The following PDE4D variants were observed in gnomAD, a reference collection of about 807,000 sequenced individuals.
PDE4D encodes the protein 3',5'-cyclic-AMP phosphodiesterase 4D.
A neutral mutation model predicts 87.4 loss-of-function variants in PDE4D; 24 were observed. That is an observed-to-expected ratio of 0.27 (90% CI 0.20 to 0.39). The LOEUF (loss-of-function observed/expected upper bound fraction) is 0.39, where lower values mean the gene tolerates loss of function less well. PDE4D is among the 10% of genes least tolerant of loss of function. PDE4D has a pLI of 1.00. For synonymous variants in PDE4D, 384 were observed against 383.2 expected (o/e 1.00, Z -0.02); for missense variants, 714 against 1,041.0 (o/e 0.69, Z 4.32).
At chr5:60,197,442 A>T (rs904558449) in intron 1 of PDE4D, among the ~76,000 whole-genome samples, 1 of 151,650 alleles carries the variant, frequency 6.6e-6, no homozygotes, top group Non-Finnish European at 1.5e-5. Flanking sequence ...GAATTATTTT[A>T]AGACCTAATA....
chr5:58,975,651 C>T lies in PDE4D; in HGVS notation c.2013+6G>A, dbSNP rs1465957326. ...CTCTCTGAAAGCTATACACTTCATG[C>T]ATTACCTGTGATTTTTCCACGGAAG... On this transcript the variant is annotated splice_donor_region_variant and intron_variant, in intron 14 of 14. Transcript: ENST00000340635. The surrounding 1 kb of genome is among the most constrained non-coding windows in gnomAD (Gnocchi z 4.2). 1.3e-6 allele frequency: 2 copies of T among 1,583,826 alleles called. No homozygotes were observed. The highest frequency in any genetic ancestry group is 1.4e-5 in the African/African-American group (1 of 73,906).
At chr5:59,185,147 A>T in intron 4 of PDE4D, 42 bp downstream of exon 4, 1 of 1,506,320 alleles carries the variant, frequency 6.6e-7, no homozygotes, top group Non-Finnish European at 9.2e-7. Flanking sequence ...AAACTTATTT[A>T]AAAGTTCAGC....
At chr5:59,186,854 C>T (rs1405261787) in intron 3 of PDE4D, among the ~76,000 whole-genome samples, 1 of 152,194 alleles carries the variant, frequency 6.6e-6, no homozygotes. Flanking sequence ...CGACTGCTGA[C>T]ATCAGACCAC....
chr5:59,377,557 G>A (rs1467032007), intron 1 of PDE4D, among the ~76,000 whole-genome samples: 2 of 152,096 alleles, frequency 1.3e-5, no homozygotes, highest in Admixed American at 1.3e-4. Context: ...CCTATAAAAT[G>A]GGAGAAAATT....
chr5:59,771,433 AAAAGAAAGAAAGAAAGAAAGAAAG>A (rs745783951), intron 1 of PDE4D, among the ~76,000 whole-genome samples: 4 of 93,830 alleles, frequency 4.3e-5, no homozygotes, highest in African/African-American at 1.2e-4. Context: ...AAGAAAAAGA[AAAAGAAAGAAAGAAAGAAAGAAAG>A]AAAGAAAGAA....
intron 1 of PDE4D, among the ~76,000 whole-genome samples, chr5:59,547,937 G>A (rs1008832399): frequency 2.0e-5 from 3 of 152,178 alleles, no homozygotes; most frequent in African/African-American, 7.2e-5. Flanking sequence ...ACTACTGGGA[G>A]ATGTATGCTC....
At chr5:59,484,906 C>G (rs1457594853) in intron 1 of PDE4D, among the ~76,000 whole-genome samples, 1 of 152,186 alleles carries the variant, frequency 6.6e-6, no homozygotes, top group South Asian at 2.1e-4. Context: ...CCAACCACAA[C>G]TTGACAACCA....
At chr5:60,202,786 A>G (rs550839073) in intron 1 of PDE4D, among the ~76,000 whole-genome samples, 1 of 151,940 alleles carries the variant, frequency 6.6e-6, no homozygotes, top group East Asian at 1.9e-4. Context: ...AGAAAAAAAA[A>G]TACAGTTTTG....
At chr5:59,824,750 C>A (rs539484760) in intron 1 of PDE4D, among the ~76,000 whole-genome samples, 1 of 152,242 alleles carries the variant, frequency 6.6e-6, no homozygotes, top group African/African-American at 2.4e-5. Context: ...TCCACTGAGC[C>A]CTTACATGCA....
At chr5:59,643,566 A>AT (rs1741962165) in intron 1 of PDE4D, among the ~76,000 whole-genome samples, 3 of 152,254 alleles carry the variant, frequency 2.0e-5, no homozygotes, top group African/African-American at 7.2e-5. Flanking sequence ...TTTATTATAT[A>AT]TTTTTTTCCA....
chr5:60,209,482 G>A (rs1236485394), intron 1 of PDE4D, among the ~76,000 whole-genome samples: 1 of 152,078 alleles, frequency 6.6e-6, no homozygotes, highest in Non-Finnish European at 1.5e-5. Flanking sequence ...ATCCAGCAAA[G>A]GGCCTATTGT....
chr5:59,875,460 CAAAAAAAAAAAAA>C (rs3062667), intron 1 of PDE4D, among the ~76,000 whole-genome samples: 12 of 39,698 alleles, frequency 3.0e-4, no homozygotes, highest in South Asian at 1.8e-3. Context: ...ACCTCCGTCT[CAAAAAAAAAAAAA>C]AAAAAAAAAA....
intron 1 of PDE4D, among the ~76,000 whole-genome samples, chr5:59,334,788 AATC>A (rs1396285633): frequency 1.3e-5 from 2 of 152,084 alleles, no homozygotes; most frequent in African/African-American, 4.8e-5. Context: ...TAAAAAAAAA[AATC>A]ATTTTTATAT....
At chr5:59,753,000 T>C (rs1760702056) in intron 1 of PDE4D, among the ~76,000 whole-genome samples, 1 of 152,208 alleles carries the variant, frequency 6.6e-6, no homozygotes. Context: ...AACATGCTAA[T>C]GTCCATTTGT....
intron 1 of PDE4D, chr5:60,430,191 A>G: frequency 3.8e-6 from 2 of 522,382 alleles, no homozygotes; most frequent in Non-Finnish European, 7.7e-6. Flanking sequence ...TGCACTTATG[A>G]ATGTTGATGG....
chr5:59,072,762 T>C (rs536078548), intron 5 of PDE4D, among the ~76,000 whole-genome samples: 2 of 152,246 alleles, frequency 1.3e-5, no homozygotes, highest in African/African-American at 4.8e-5. Flanking sequence ...CATTTATAGA[T>C]CTTCTTTGTG....
At chr5:59,771,421 G>GAAAGAA (rs1207730068) in intron 1 of PDE4D, among the ~76,000 whole-genome samples, 1 of 115,642 alleles carries the variant, frequency 8.6e-6, no homozygotes, top group Non-Finnish European at 1.9e-5. Context: ...AAGAAGGAAA[G>GAAAGAA]AAAGAAAAAG....
At chr5:60,083,293 A>G (rs375576669) in intron 2 of PDE4D, among the ~76,000 whole-genome samples, 1 of 152,344 alleles carries the variant, frequency 6.6e-6, no homozygotes, top group East Asian at 1.9e-4. Flanking sequence ...ATACCCATGA[A>G]TTATATTAGA....
chr5:59,287,249 T>C (rs1290285442), intron 1 of PDE4D, among the ~76,000 whole-genome samples: 4 of 152,074 alleles, frequency 2.6e-5, no homozygotes, highest in Non-Finnish European at 5.9e-5. Flanking sequence ...CCCTGGGCCT[T>C]GAATGAACAT....
Sources: allele counts gnomAD v4.1 joint callset (sites outside exome capture counted in the v4.1 genomes callset), GRCh38; gene constraint gnomAD v4.1.1; non-coding constraint Gnocchi (gnomAD v3.1); transcripts MANE v1.5; gene names NCBI Gene and HGNC (gene_info 2026-07-23, HGNC 2026-07-21).